Variants in COL10A1 observed in about 807,000 individuals in gnomAD.
COL10A1 encodes the protein collagen alpha-1(X) chain.
COL10A1 carries 10 observed loss-of-function variants against 18.2 expected under a neutral mutation model. The ratio of observed to expected loss-of-function variants is 0.55; its 90% CI spans 0.34 to 0.93. The LOEUF is 0.93. Among genes scored for constraint, COL10A1 ranks in the 40% least tolerant of loss-of-function variants. COL10A1 has a pLI of 0.02. For missense variants in COL10A1, 897 were observed against 853.5 expected (o/e 1.05, Z -0.64); for synonymous variants, 330 against 316.6 (o/e 1.04, Z -0.45).
chr6:116,182,396 A>G, the COL10A1 span, among the ~76,000 whole-genome samples: 1 of 152,054 alleles, frequency 6.6e-6, no homozygotes, highest in Non-Finnish European at 1.5e-5. Context: ...CTCTGGGTAG[A>G]TACTCAGGAG....
chr6:116,141,353 C>T (rs1271054710), intron 1 of COL10A1, among the ~76,000 whole-genome samples: 1 of 151,608 alleles, frequency 6.6e-6, no homozygotes, highest in African/African-American at 2.4e-5. Context: ...CAGATACTTC[C>T]AGTTTGTGAC....
upstream of COL10A1, among the ~76,000 whole-genome samples, chr6:116,161,806 G>T (rs185778007): frequency 2.4e-3 from 373 of 152,262 alleles, 2 homozygotes; most frequent in Admixed American, 3.8e-3. Context: ...TGACTTTCTA[G>T]ATTGCTTTGG....
chr6:116,208,279 C>T, the COL10A1 span, among the ~76,000 whole-genome samples: 12 of 152,004 alleles, frequency 7.9e-5, no homozygotes, highest in African/African-American at 2.9e-4. Context: ...TTTTTTCCAG[C>T]TTCTCTCTTC....
the COL10A1 span, among the ~76,000 whole-genome samples, chr6:116,182,993 T>C: frequency 1.3e-5 from 2 of 152,138 alleles, no homozygotes; most frequent in Non-Finnish European, 2.9e-5. Flanking sequence ...TTTTCTAGAA[T>C]TGTTATGGTT....
intron 1 of COL10A1, among the ~76,000 whole-genome samples, chr6:116,151,788 TA>T (rs1216382082): frequency 6.6e-6 from 1 of 152,200 alleles, no homozygotes; most frequent in African/African-American, 2.4e-5. Flanking sequence ...AAACTTTTTT[TA>T]AAAAAGCAGC....
At chr6:116,213,272 A>C in the COL10A1 span, among the ~76,000 whole-genome samples, 679 of 152,144 alleles carry the variant, frequency 4.5e-3, 4 homozygotes, top group African/African-American at 0.015. Flanking sequence ...GGGGCTCACT[A>C]TGTCTTGCAG....
the COL10A1 span, among the ~76,000 whole-genome samples, chr6:116,205,282 A>T: frequency 6.6e-6 from 1 of 152,114 alleles, no homozygotes; most frequent in East Asian, 1.9e-4. Context: ...TAAAATGACA[A>T]CAATGATACT....
At chr6:116,205,697 A>AAATTTTT in the COL10A1 span, among the ~76,000 whole-genome samples, 1 of 152,052 alleles carries the variant, frequency 6.6e-6, no homozygotes, top group African/African-American at 2.4e-5. Flanking sequence ...TTGTATTAAA[A>AAATTTTT]GGGTACATTT....
chr6:116,161,614 T>A (rs1469676867), upstream of COL10A1, among the ~76,000 whole-genome samples: 1 of 152,204 alleles, frequency 6.6e-6, no homozygotes. Flanking sequence ...AGTAGCATGC[T>A]GTTTTGGTTA....
the COL10A1 span, among the ~76,000 whole-genome samples, chr6:116,208,339 CTG>C: frequency 6.6e-6 from 1 of 151,992 alleles, no homozygotes; most frequent in Non-Finnish European, 1.5e-5. Context: ...GGGCTGACTT[CTG>C]TTGAAAACAA....
the COL10A1 span, among the ~76,000 whole-genome samples, chr6:116,188,586 T>C: frequency 5.9e-5 from 9 of 152,126 alleles, no homozygotes; most frequent in South Asian, 1.9e-3. Flanking sequence ...TAAAATGGGT[T>C]ACACTAGAGC....
chr6:116,177,448 T>C, the COL10A1 span, among the ~76,000 whole-genome samples: 2 of 152,120 alleles, frequency 1.3e-5, no homozygotes, highest in Non-Finnish European at 2.9e-5. Context: ...CATTGCAAAA[T>C]GGGTAAAAGT....
At chr6:116,140,326 G>A (rs1169635847) in intron 1 of COL10A1, among the ~76,000 whole-genome samples, 3 of 152,126 alleles carry the variant, frequency 2.0e-5, no homozygotes, top group Non-Finnish European at 4.4e-5. Flanking sequence ...CTTTCTCAGA[G>A]TGGGAGCACC....
At chr6:116,158,341 TCTC>T (rs985114074) in intron 1 of COL10A1, among the ~76,000 whole-genome samples, 1 of 151,902 alleles carries the variant, frequency 6.6e-6, no homozygotes, top group Non-Finnish European at 1.5e-5. Flanking sequence ...TCTGTTTAAA[TCTC>T]CTACTCAAGC....
At chr6:116,124,562 T>G (rs1392766646) in intron 2 of COL10A1, among the ~76,000 whole-genome samples, 1 of 152,148 alleles carries the variant, frequency 6.6e-6, no homozygotes. Context: ...GAAATAAAAC[T>G]AGGAGTAACA....
chr6:116,154,248 A>G (rs564037779), intron 1 of COL10A1, among the ~76,000 whole-genome samples: 46 of 152,300 alleles, frequency 3.0e-4, no homozygotes, highest in African/African-American at 1.1e-3. Flanking sequence ...GTTGATAAAT[A>G]TATTCAATAT....
At chr6:116,136,250 G>A (rs1779598168) in intron 1 of COL10A1, among the ~76,000 whole-genome samples, 1 of 151,932 alleles carries the variant, frequency 6.6e-6, no homozygotes, top group African/African-American at 2.4e-5. Flanking sequence ...CATCCATGTT[G>A]TCAAAAATAG....
At chr6:116,182,387 T>G in the COL10A1 span, among the ~76,000 whole-genome samples, 1 of 152,102 alleles carries the variant, frequency 6.6e-6, no homozygotes, top group Non-Finnish European at 1.5e-5. Context: ...CTTCTTTTCC[T>G]CTGGGTAGAT....
chr6:116,167,010 T>C, the COL10A1 span, among the ~76,000 whole-genome samples: 1 of 152,144 alleles, frequency 6.6e-6, no homozygotes, highest in African/African-American at 2.4e-5. Flanking sequence ...AGGCCTACTA[T>C]AGGACTTATA....
Sources: gnomAD v4.1 joint callset for allele counts (sites outside exome capture counted in the v4.1 genomes callset) on GRCh38, gnomAD v4.1.1 for gene constraint, MANE v1.5 for transcripts, NCBI Gene and HGNC (gene_info 2026-07-23, HGNC 2026-07-21) for gene names.